The following TSPEAR variants were observed in gnomAD, a reference collection of about 807,000 sequenced individuals.
The protein encoded by TSPEAR is thrombospondin type laminin G domain and EAR repeats.
TSPEAR carries 69 observed loss-of-function variants against 71.6 expected under a neutral mutation model. That is an observed-to-expected ratio of 0.96 (90% CI 0.79 to 1.18). TSPEAR has a LOEUF of 1.18. Among genes scored for constraint, TSPEAR ranks in the 50% most tolerant of loss-of-function variants. TSPEAR has a pLI of 0.00. For synonymous variants in TSPEAR, 402 were observed against 387.2 expected (o/e 1.04, Z -0.45); for missense variants, 971 against 894.9 (o/e 1.09, Z -1.09).
In TSPEAR at chr21:44,505,663, C is replaced by T. The variant is rs182786164; in HGVS notation, c.1755-782G>A. Among the ~76,000 whole-genome samples, 18 of 148,670 alleles carry T rather than the reference C, an allele frequency of 1.2e-4. No individual in the cohort carries two copies. In the East Asian group the frequency reaches 1.2e-3, roughly 10 times the overall value. On this transcript the variant is annotated intron_variant, in intron 10 of 11. Transcript: ENST00000323084. ...GGGACCTCATATGAATGGAATCGCACGGTATTTGTCCTTTGTGTCTGCCTT... is the reference window on the plus strand; with the variant it reads ...GGGACCTCATATGAATGGAATCGCATGGTATTTGTCCTTTGTGTCTGCCTT...
intron 2 of TSPEAR, chr21:44,551,128 C>A (rs2053420899): frequency 6.4e-7 from 1 of 1,561,554 alleles, no homozygotes. Flanking sequence ...CAGACGGGCA[C>A]ACAGCACACA....
intron 10 of TSPEAR, among the ~76,000 whole-genome samples, chr21:44,505,679 T>A (rs1555911837): frequency 6.6e-6 from 1 of 150,766 alleles, no homozygotes; most frequent in Non-Finnish European, 1.5e-5. Flanking sequence ...TTGTCCTTTG[T>A]GTCTGCCTTA....
At chr21:44,512,558 G>A (rs587739128) in intron 9 of TSPEAR, among the ~76,000 whole-genome samples, 12 of 152,278 alleles carry the variant, frequency 7.9e-5, no homozygotes, top group African/African-American at 2.6e-4. Context: ...GCGTAGGGTG[G>A]AGGTGGCGGT....
At chr21:44,690,617 A>G (rs1987086114) in intron 1 of TSPEAR, 2 of 985,120 alleles carry the variant, frequency 2.0e-6, no homozygotes, top group Non-Finnish European at 2.4e-6. Flanking sequence ...CTGTAAATAA[A>G]CAGGTTAAAC....
At chr21:44,676,224 T>C (rs1362958677) in intron 1 of TSPEAR, 7 of 1,330,740 alleles carry the variant, frequency 5.3e-6, no homozygotes, top group Non-Finnish European at 7.6e-6. Context: ...GGGCCAGTTT[T>C]TGAACAGCAT....
chr21:44,539,812 G>C lies in TSPEAR; in HGVS notation c.304-5889C>G, dbSNP rs2053178792. ...AGCATGAAGAGGAATCCTTAGAGCA[G>C]GTGGGCAGGCAGCACACAGGCTTGC... On this transcript the variant is annotated intron_variant, in intron 2 of 11. Coordinates refer to ENST00000323084, the MANE Select transcript of TSPEAR (RefSeq NM_144991.3). The C allele has an allele frequency of 3.7e-6, 6 of 1,613,332 alleles. No individual in the cohort carries two copies. In the East Asian group the frequency reaches 1.3e-4, roughly 36 times the overall value.
At position 44,657,936 on chromosome 21, in the gene TSPEAR, C is replaced by T. The variant is rs114984685; in HGVS notation, c.82+53497G>A. 1,146 of 1,584,474 alleles carry T rather than the reference C, an allele frequency of 7.2e-4. 11 individuals are homozygous for T. In the African/African-American group the frequency reaches 0.012, roughly 17 times the overall value. On this transcript the variant is annotated intron_variant, in intron 1 of 11. Coordinates refer to ENST00000323084, the MANE Select transcript of TSPEAR (RefSeq NM_144991.3). ...GACCACCAGAGAAGCAGCTTCCAGA[C>T]ATCACCATCCTCCTCCCCAGTACCA...
chr21:44,681,049 G>T (rs782333799), intron 1 of TSPEAR, among the ~76,000 whole-genome samples: 20 of 152,230 alleles, frequency 1.3e-4, no homozygotes, highest in Admixed American at 2.6e-4. Context: ...ACAAGGTGAT[G>T]AATATCCTGA....
chr21:44,702,267 G>A, intron 1 of TSPEAR: 1 of 1,607,210 alleles, frequency 6.2e-7, no homozygotes, highest in South Asian at 1.1e-5. Flanking sequence ...ACTGCCCGGA[G>A]AGCTGCTGCG....
At chr21:44,555,995 C>T (rs186934095) in intron 2 of TSPEAR, among the ~76,000 whole-genome samples, 6 of 152,302 alleles carry the variant, frequency 3.9e-5, no homozygotes, top group Admixed American at 6.5e-5. Flanking sequence ...ATAGATACAG[C>T]GGTTCAAAGG....
At chr21:44,558,685 T>C (rs2053587247) in intron 2 of TSPEAR, 1 of 1,611,838 alleles carries the variant, frequency 6.2e-7, no homozygotes, top group Non-Finnish European at 8.5e-7. Context: ...GAGTAAGCGC[T>C]GGAGCAGACG....
intron 1 of TSPEAR, chr21:44,579,693 C>T: frequency 6.4e-7 from 1 of 1,554,188 alleles, no homozygotes; most frequent in Non-Finnish European, 8.7e-7. Flanking sequence ...ACCTCCTAAC[C>T]CGAGTCAGGA....
chr21:44,513,725 T>A (rs587654995), intron 9 of TSPEAR, among the ~76,000 whole-genome samples: 1 of 152,082 alleles, frequency 6.6e-6, no homozygotes, highest in African/African-American at 2.4e-5. Flanking sequence ...CCGGCTTTGA[T>A]AGGGCAAAGA....
intron 1 of TSPEAR, among the ~76,000 whole-genome samples, chr21:44,670,722 C>T (rs1189797038): frequency 6.6e-6 from 1 of 152,166 alleles, no homozygotes; most frequent in Admixed American, 6.5e-5. Context: ...CACACTGGGT[C>T]TCACACACCC....
chr21:44,551,158 C>G (rs782183041), intron 2 of TSPEAR: 2 of 1,564,278 alleles, frequency 1.3e-6, no homozygotes, highest in Non-Finnish European at 1.7e-6. Context: ...CAGACGGGCA[C>G]GCAGCAGGCC....
At chr21:44,509,554 T>TGAGCGGGCGCAGAGGTGTGGGA (rs1569152421) in intron 9 of TSPEAR, 168 bp from the exon 10 acceptor site, 41 of 459,412 alleles carry the variant, frequency 8.9e-5, no homozygotes, top group East Asian at 1.8e-4. Context: ...GAGGTGTGGG[T>TGAGCGGGCGCAGAGGTGTGGGA]GAGCGGGCGC....
chr21:44,591,635 G>A (rs587772519), intron 1 of TSPEAR: 3 of 1,613,764 alleles, frequency 1.9e-6, no homozygotes, highest in East Asian at 2.2e-5. Flanking sequence ...CTAGACTGCT[G>A]GCAGCATGAT....
intron 2 of TSPEAR, among the ~76,000 whole-genome samples, chr21:44,567,474 G>C (rs1260213528): frequency 6.6e-6 from 1 of 152,200 alleles, no homozygotes; most frequent in Non-Finnish European, 1.5e-5. Flanking sequence ...GGTCTACAAA[G>C]TGTCCCTTTT....
chr21:44,689,733 A>ATTTTTTT (rs1460874522), intron 1 of TSPEAR, among the ~76,000 whole-genome samples: 2 of 121,484 alleles, frequency 1.6e-5, no homozygotes, highest in African/African-American at 6.8e-5. Context: ...ATATATATAT[A>ATTTTTTT]TATATATTTT....
Sources: allele counts gnomAD v4.1 joint callset (sites outside exome capture counted in the v4.1 genomes callset), GRCh38; gene constraint gnomAD v4.1.1; transcripts MANE v1.5; gene names NCBI Gene and HGNC (gene_info 2026-07-23, HGNC 2026-07-21).